The following RIC1 variants were observed in gnomAD, a reference collection of about 807,000 sequenced individuals.
The protein encoded by RIC1 is guanine nucleotide exchange factor subunit RIC1.
A neutral mutation model predicts 169.0 loss-of-function variants in RIC1; 88 were observed. That is an observed-to-expected ratio of 0.52 (90% CI 0.44 to 0.62). The LOEUF is 0.62. RIC1 is among the 20% of genes least tolerant of loss of function. The pLI, the probability that RIC1 is intolerant of heterozygous loss-of-function variation, is 0.00. For synonymous variants in RIC1, 790 were observed against 601.5 expected, an observed-to-expected ratio of 1.31 and a Z score of -4.59; for missense variants, 1,877 against 1,725.5, an observed-to-expected ratio of 1.09 and a Z score of -1.56.
intron 1 of RIC1, among the ~76,000 whole-genome samples, chr9:5,635,222 T>C (rs892798403): frequency 6.6e-6 from 1 of 152,142 alleles, no homozygotes; most frequent in African/African-American, 2.4e-5. Flanking sequence ...ACAAGTGATC[T>C]GCCCATCTCA....
At position 5,642,157 on chromosome 9, in the gene RIC1, G is replaced by T. The variant is rs1302304746; in HGVS notation, c.144+12704G>T. The stretch of plus-strand genomic sequence containing the variant: ...CAGACTCAGAGGTACTGCCTTGGTG[G>T]TCTTGGATAAAATCTGGAAGAATTA... On this transcript the variant is annotated intron_variant, in intron 1 of 25. Transcript: ENST00000414202. Among the ~76,000 whole-genome samples, 2 of 145,228 alleles carry T rather than the reference G, an allele frequency of 1.4e-5. 1 individual carries two copies. Among genetic ancestry groups the T allele is most frequent in the African/African-American group, 5.6e-5 (2 of 35,742 alleles).
intron 6 of RIC1, among the ~76,000 whole-genome samples, chr9:5,729,705 T>C (rs1824241634): frequency 6.6e-6 from 1 of 152,172 alleles, no homozygotes; most frequent in Non-Finnish European, 1.5e-5. Flanking sequence ...TCATTCTGTT[T>C]GGTATCAACT....
chr9:5,772,658 A>T lies in RIC1; in HGVS notation c.3711A>T (p.Thr1237=), dbSNP rs765944789. Residue 1237 remains threonine (T), a synonymous_variant, in exon 24 of 26, where the codon ACA becomes ACT. Transcript: ENST00000414202. ...DWTMVDENFS[T]LSLTQSELEH... is the part of the protein sequence containing the mutation. ...CAATGGTGGATGAAAATTTCTCTAC[A>T]CTCAGTTTAACTCAGTCAGAGCTGG... is the stretch of plus-strand genomic sequence containing the variant. 1.2e-6 allele frequency: 2 copies of T among 1,613,730 alleles called. No individual in the cohort carries two copies. Among genetic ancestry groups the T allele is most frequent in the African/African-American group, 2.7e-5 (2 of 74,884 alleles).
chr9:5,737,374 T>G (rs1252984709), intron 7 of RIC1, among the ~76,000 whole-genome samples: 1 of 152,136 alleles, frequency 6.6e-6, no homozygotes, highest in Admixed American at 6.5e-5. Flanking sequence ...GTTTATAAAT[T>G]ACCATCCAAC....
At chr9:5,664,937 T>C (rs560422084) in intron 2 of RIC1, among the ~76,000 whole-genome samples, 1 of 152,352 alleles carries the variant, frequency 6.6e-6, no homozygotes, top group Admixed American at 6.5e-5. Flanking sequence ...GAAGTTCTTG[T>C]AGTATGTTTC....
At position 5,720,693 on chromosome 9, in the gene RIC1, A is replaced by G. The variant is rs1213871783; in HGVS notation, c.663A>G (p.Val221=). The G allele has an allele frequency of 1.3e-5, 21 of 1,612,442 alleles. No individual in the cohort carries two copies. The highest frequency in any genetic ancestry group is 1.6e-5 in the Non-Finnish European group (19 of 1,179,122). The change falls in exon 6 of 26, where the codon GTA becomes GTG. Residue 221 remains valine (V), a synonymous_variant. Coordinates refer to ENST00000414202, the MANE Select transcript of RIC1 (RefSeq NM_020829.4). The stretch of plus-strand genomic sequence containing the variant: ...CCACACTTGATGGGTTTGCTGTTGT[A>G]TTTAATGATGGTAAAGTTGGATTTA... ...YCATLDGFAV[V]FNDGKVGFIT... is the part of the protein sequence containing the mutation.
chr9:5,678,148 T>G (rs1175547327), intron 2 of RIC1, among the ~76,000 whole-genome samples: 1 of 152,174 alleles, frequency 6.6e-6, no homozygotes, highest in African/African-American at 2.4e-5. Context: ...GTTTCCAGCT[T>G]CATCCATGTC....
At chr9:5,745,295 A>G (rs1563944859) in intron 10 of RIC1, among the ~76,000 whole-genome samples, 1 of 152,186 alleles carries the variant, frequency 6.6e-6, no homozygotes, top group Non-Finnish European at 1.5e-5. Flanking sequence ...TCTTGGCTTG[A>G]AGATTGAGAA....
chr9:5,634,834 A>G (rs1377775219), intron 1 of RIC1, among the ~76,000 whole-genome samples: 1 of 152,076 alleles, frequency 6.6e-6, no homozygotes, highest in Non-Finnish European at 1.5e-5. Context: ...TAGGATTTGC[A>G]TGGTTTCAGG....
intron 2 of RIC1, among the ~76,000 whole-genome samples, chr9:5,669,291 C>T (rs1819957351): frequency 6.6e-6 from 1 of 152,110 alleles, no homozygotes; most frequent in Admixed American, 6.6e-5. Context: ...CGCCTCCCAC[C>T]CTTTTCCCTG....
chr9:5,669,634 C>T (rs1380216111), intron 2 of RIC1, among the ~76,000 whole-genome samples: 1 of 152,108 alleles, frequency 6.6e-6, no homozygotes, highest in African/African-American at 2.4e-5. Flanking sequence ...TCGAATAATA[C>T]TTGTTGAAAC....
chr9:5,629,975 G>T (rs963691645), intron 1 of RIC1, among the ~76,000 whole-genome samples: 7 of 152,142 alleles, frequency 4.6e-5, no homozygotes, highest in African/African-American at 1.2e-4. Flanking sequence ...TTCACTAAAG[G>T]TCTGGTTATT....
intron 1 of RIC1, among the ~76,000 whole-genome samples, chr9:5,647,936 G>GGGT (rs77165192): frequency 0.36 from 43,710 of 121,086 alleles, 8,702 homozygotes; most frequent in South Asian, 0.4. Flanking sequence ...GTGTGGGGGT[G>GGGT]GGTGGTGGTG....
rs149343228 is a variant in RIC1, at chr9:5,772,379, T to C, written c.3617-185T>C. Among the ~76,000 whole-genome samples the C allele has an allele frequency of 3.7e-3, 565 of 152,344 alleles. 1 individual carries two copies. The highest frequency in any genetic ancestry group is 6.2e-3 in the Non-Finnish European group (419 of 68,036). On this transcript the variant is annotated intron_variant, in intron 23 of 25. Coordinates refer to ENST00000414202, the MANE Select transcript of RIC1 (RefSeq NM_020829.4). Reference sequence around the variant, plus strand: ...TATTTTTCCATCTAAAGGTACATAATGTCGGTTATCTAATTCTTTCTTTAA... The same window carrying C: ...TATTTTTCCATCTAAAGGTACATAACGTCGGTTATCTAATTCTTTCTTTAA...
At chr9:5,636,370 A>T (rs1817971798) in intron 1 of RIC1, among the ~76,000 whole-genome samples, 1 of 151,926 alleles carries the variant, frequency 6.6e-6, no homozygotes, top group Non-Finnish European at 1.5e-5. Flanking sequence ...CCGAGGCTGG[A>T]GTGCAATGGA....
At chr9:5,689,139 T>C (rs905313152) in intron 2 of RIC1, among the ~76,000 whole-genome samples, 4 of 144,000 alleles carry the variant, frequency 2.8e-5, no homozygotes, top group East Asian at 2.2e-4. Flanking sequence ...AGCTCCGCCT[T>C]CTGGGTTCAC....
intron 3 of RIC1, among the ~76,000 whole-genome samples, chr9:5,711,736 C>T (rs553272751): frequency 2.4e-4 from 37 of 152,242 alleles, no homozygotes; most frequent in African/African-American, 8.7e-4. Flanking sequence ...TGCCCCCACC[C>T]CACAACAGGA....
intron 1 of RIC1, among the ~76,000 whole-genome samples, chr9:5,651,467 T>C (rs977280828): frequency 1.3e-5 from 2 of 152,174 alleles, no homozygotes; most frequent in East Asian, 1.9e-4. Flanking sequence ...ATCCAAAAAA[T>C]TCCTTGCTCA....
intron 6 of RIC1, among the ~76,000 whole-genome samples, chr9:5,724,350 G>T: frequency 6.6e-6 from 1 of 152,100 alleles, no homozygotes; most frequent in Non-Finnish European, 1.5e-5. Flanking sequence ...TCATGATTTG[G>T]TTCTGTGTTT....
Sources: allele counts gnomAD v4.1 joint callset (sites outside exome capture counted in the v4.1 genomes callset), GRCh38; gene constraint gnomAD v4.1.1; transcripts MANE v1.5; gene names NCBI Gene and HGNC (gene_info 2026-07-23, HGNC 2026-07-21).